PRDM15: variants seen among roughly 807,000 people sequenced by gnomAD.
PRDM15 encodes PR/SET domain 15.
In PRDM15, 64 loss-of-function variants were observed where a neutral mutation model predicts 128.6. The ratio of observed to expected loss-of-function variants is 0.50; its 90% CI spans 0.41 to 0.61. The LOEUF (loss-of-function observed/expected upper bound fraction) is 0.61, where lower values mean the gene tolerates loss of function less well. PRDM15 is among the 20% of genes least tolerant of loss of function. PRDM15 has a pLI of 0.00. For synonymous variants in PRDM15, 615 were observed against 621.8 expected, an observed-to-expected ratio of 0.99 and a Z score of 0.16; for missense variants, 1,242 against 1,569.1, an observed-to-expected ratio of 0.79 and a Z score of 3.52.
At chr21:41,852,925 G>A (rs2063473894) in intron 5 of PRDM15, among the ~76,000 whole-genome samples, 1 of 152,238 alleles carries the variant, frequency 6.6e-6, no homozygotes, top group Non-Finnish European at 1.5e-5. Context: ...GTCTTATGAA[G>A]AGATGACACA....
In PRDM15 at chr21:41,859,699, T is replaced by A; in HGVS notation, c.38-14A>T. The A allele has an allele frequency of 6.2e-7, 1 of 1,611,708 alleles. No homozygotes were observed. The highest frequency in any genetic ancestry group is 1.1e-5 in the South Asian group (1 of 90,900). On this transcript the variant is annotated splice_polypyrimidine_tract_variant and intron_variant, in intron 2 of 23. Coordinates refer to ENST00000398548, the MANE Select transcript of PRDM15 (RefSeq NM_001040424.3). This position sits in a 1 kb window ranked among gnomAD's most constrained non-coding sequence, Gnocchi z 5.3. ...AGTCTTCACACCCTGCAAGCAGACA[T>A]CCGGGCATTAGAGCACCCAGGGAGG...
At chr21:41,809,519 C>A (rs2061793729) in intron 21 of PRDM15, among the ~76,000 whole-genome samples, 1 of 152,182 alleles carries the variant, frequency 6.6e-6, no homozygotes, top group Non-Finnish European at 1.5e-5. Context: ...GCATGAGCCA[C>A]CGTGCCCGGC....
At chr21:41,820,314 C>T (rs1283342607) in intron 16 of PRDM15, 140 bp from the exon 17 acceptor site, 2 of 671,370 alleles carry the variant, frequency 3.0e-6, no homozygotes, top group Non-Finnish European at 5.3e-6. Flanking sequence ...ATATTTGAGC[C>T]TCTGCCACGG....
At chr21:41,831,724 A>G (rs985087551) in intron 11 of PRDM15, among the ~76,000 whole-genome samples, 1 of 152,096 alleles carries the variant, frequency 6.6e-6, no homozygotes, top group Non-Finnish European at 1.5e-5. Context: ...AAGCGCTGGG[A>G]GGGGACAGTC....
At chr21:41,867,311 GCAATCTTCCC>G (rs762697837) in intron 1 of PRDM15, 1 of 1,612,890 alleles carries the variant, frequency 6.2e-7, no homozygotes, top group Non-Finnish European at 8.5e-7. Context: ...TCCTCCGTTC[GCAATCTTCCC>G]CAGGGCTGGG....
Position 41,828,900 on chromosome 21 carries a change from C to A in PRDM15, c.1367-567G>T, listed in dbSNP as rs1370281754. 1.3e-5 allele frequency among the ~76,000 whole-genome samples: 2 copies of A among 151,914 alleles called. No individual in the cohort carries two copies. The highest frequency in any genetic ancestry group is 4.8e-5 in the African/African-American group (2 of 41,296). On this transcript the variant is annotated intron_variant, in intron 11 of 23. Transcript: ENST00000398548. This position sits in a 1 kb window ranked among gnomAD's most constrained non-coding sequence, Gnocchi z 5.7. ...TCCTCAGCACACACACAATCACACA[C>A]CACACAAATACAAACACACTCAACA...
intron 21 of PRDM15, among the ~76,000 whole-genome samples, chr21:41,806,027 C>CCAT (rs2061566947): frequency 1.2e-4 from 1 of 8,460 alleles, no homozygotes; most frequent in Admixed American, 1.4e-3. Flanking sequence ...ATCACCACCA[C>CCAT]CACCATCACC....
chr21:41,840,579 G>A (rs2063045198), intron 6 of PRDM15, among the ~76,000 whole-genome samples: 1 of 151,890 alleles, frequency 6.6e-6, no homozygotes, highest in Admixed American at 6.6e-5. Context: ...GAGAAAAGAA[G>A]ATTCCTTGCT....
At chr21:41,830,619 C>G (rs1267035984) in intron 11 of PRDM15, among the ~76,000 whole-genome samples, 1 of 151,886 alleles carries the variant, frequency 6.6e-6, no homozygotes, top group Non-Finnish European at 1.5e-5. Context: ...TACACACAAA[C>G]ACACCACAGA....
At chr21:41,856,261 CCCTT>C (rs146658997) in intron 4 of PRDM15, among the ~76,000 whole-genome samples, 7 of 27,328 alleles carry the variant, frequency 2.6e-4, no homozygotes, top group East Asian at 1.0e-3. Flanking sequence ...TCCCTCCCCT[CCCTT>C]CCTTCCTTCC....
intron 5 of PRDM15, among the ~76,000 whole-genome samples, chr21:41,849,921 G>C (rs117893923): frequency 0.033 from 4,976 of 152,282 alleles, 115 homozygotes; most frequent in Middle Eastern, 0.099. Context: ...GGGTGACACA[G>C]CAAGACTCTG....
Position 41,859,625 on chromosome 21 carries a change from A to G in PRDM15, c.98T>C (p.Met33Thr), listed in dbSNP as rs781470746. The change falls in exon 3 of 24, where the codon ATG becomes ACG. Residue 33 changes from methionine to threonine, a missense_variant. Transcript: ENST00000398548. The surrounding 1 kb of genome is among the most constrained non-coding windows in gnomAD (Gnocchi z 5.3). ...GCTTAACACAAAGGAGTCTTTGACCATGACCACTGGGCCCAGCTCGGGACA... is the reference window on the plus strand; with the variant it reads ...GCTTAACACAAAGGAGTCTTTGACCGTGACCACTGGGCCCAGCTCGGGACA... ...SECPELGPVV[M>T]VKDSFVLSRA... The G allele has an allele frequency of 1.9e-5, 30 of 1,613,910 alleles. No individual in the cohort carries two copies. The highest frequency in any genetic ancestry group is 2.5e-5 in the Non-Finnish European group (30 of 1,179,978).
chr21:41,873,005 G>T (rs1162276614), intron 1 of PRDM15, among the ~76,000 whole-genome samples: 3 of 152,110 alleles, frequency 2.0e-5, no homozygotes, highest in Admixed American at 6.6e-5. Flanking sequence ...ATAACTTCCC[G>T]CACCCTGCGA....
At chr21:41,840,834 A>ATGAAAAATAACCAATATT (rs1242659932) in intron 6 of PRDM15, among the ~76,000 whole-genome samples, 2 of 152,176 alleles carry the variant, frequency 1.3e-5, no homozygotes, top group African/African-American at 4.8e-5. Flanking sequence ...ACAAGCGGTT[A>ATGAAAAATAACCAATATT]TGAAAAATAA....
At chr21:41,802,429 G>A (rs113667967) in intron 23 of PRDM15, among the ~76,000 whole-genome samples, 1 of 152,180 alleles carries the variant, frequency 6.6e-6, no homozygotes, top group African/African-American at 2.4e-5. Flanking sequence ...TCCCCAAACT[G>A]CAAACAGCCT....
intron 4 of PRDM15, among the ~76,000 whole-genome samples, chr21:41,855,552 G>T (rs958122762): frequency 6.6e-6 from 1 of 152,176 alleles, no homozygotes; most frequent in African/African-American, 2.4e-5. Flanking sequence ...AGGCAGGGGT[G>T]GGGGACCACC....
At chr21:41,829,500 A>C (rs1209861084) in intron 11 of PRDM15, among the ~76,000 whole-genome samples, 3 of 151,730 alleles carry the variant, frequency 2.0e-5, no homozygotes, top group African/African-American at 7.3e-5. Flanking sequence ...CCACATACAC[A>C]TTCAACACAT....
rs1295550950 is a variant in PRDM15, at chr21:41,806,046, CACCACCACCACCAT to C, written c.2653-1446_2653-1433del. ...CCACCACCACCATCACCACCACCATCACCACCACCACCATCACCATCACCACCACCATCACCACC... is the reference window on the plus strand; with the variant it reads ...CCACCACCACCATCACCACCACCATCCACCATCACCACCACCATCACCACC... On this transcript the variant is annotated intron_variant, in intron 21 of 23. Transcript: ENST00000398548. 2.2e-3 allele frequency among the ~76,000 whole-genome samples: 256 copies of C among 116,980 alleles called. 6 individuals carry two copies. The highest frequency in any genetic ancestry group is 5.1e-3 in the African/African-American group (156 of 30,358). The allele number at this position is 116,980 out of a possible 152,430, so 76.7% of individuals were successfully genotyped here. A position where few individuals can be genotyped will look rare whatever the true frequency, so the allele number is the denominator to read the frequency against.
chr21:41,869,073 C>T (rs377475930), intron 1 of PRDM15, among the ~76,000 whole-genome samples: 3 of 152,124 alleles, frequency 2.0e-5, no homozygotes, highest in Admixed American at 6.5e-5. Flanking sequence ...GATGCTTTGT[C>T]GCATGTAGTT....
Sources: allele counts gnomAD v4.1 joint callset (sites outside exome capture counted in the v4.1 genomes callset), GRCh38; gene constraint gnomAD v4.1.1; non-coding constraint Gnocchi (gnomAD v3.1); transcripts MANE v1.5; gene names NCBI Gene and HGNC (gene_info 2026-07-23, HGNC 2026-07-21).